KRT74: variants seen among roughly 807,000 people sequenced by gnomAD.
KRT74 encodes keratin, type II cytoskeletal 74.
Under a neutral mutation model 42.7 loss-of-function variants are expected in KRT74, and 43 were observed. That is an observed-to-expected ratio of 1.01 (90% CI 0.79 to 1.30). The LOEUF is 1.30. Among genes scored for constraint, KRT74 ranks in the 50% most tolerant of loss-of-function variants. KRT74 has a pLI of 0.00. For missense variants in KRT74, 736 were observed against 689.1 expected, an observed-to-expected ratio of 1.07 and a Z score of -0.76; for synonymous variants, 302 against 279.0, an observed-to-expected ratio of 1.08 and a Z score of -0.82.
chr12:52,567,746 A>C (rs1447270047), intron 7 of KRT74, 53 bp from the exon 8 acceptor site: 3 of 1,331,476 alleles, frequency 2.3e-6, no homozygotes, highest in East Asian at 2.3e-5. Context: ...AGATTCCACT[A>C]AACATCAATG....
rs79199336 is a variant in KRT74 at position 52,567,926 on chromosome 12, G to A, written c.1356-233C>T. On this transcript the variant is annotated intron_variant, in intron 7 of 8. Transcript: ENST00000305620. ...ATAAAGCCAATAATTAGCCCCTGCT[G>A]AAGAGCCAGTCATTAGCCCCAGGTC... 0.11 allele frequency among the ~76,000 whole-genome samples: 16,105 copies of A among 151,076 alleles called. 1,053 individuals carry two copies. The highest frequency in any genetic ancestry group is 0.25 in the South Asian group (1,178 of 4,668).
intron 6 of KRT74, among the ~76,000 whole-genome samples, chr12:52,569,125 G>A (rs987843585): frequency 2.6e-5 from 4 of 152,230 alleles, no homozygotes; most frequent in Non-Finnish European, 4.4e-5. Context: ...AGATCTTTCC[G>A]CTGGTCAATT....
In KRT74 at chr12:52,569,925, G is replaced by C; in HGVS notation, c.1068C>G (p.Ser356Arg). 6.2e-7 allele frequency: 1 copy of C among 1,614,104 alleles called. No homozygotes were observed. The highest frequency in any genetic ancestry group is 8.5e-7 in the Non-Finnish European group (1 of 1,179,998). Reference sequence around the variant, plus strand: ...TGAGCCGGTTCAGCTCCACCATCTCGCTCCTGGTGTGTTTCAGGTCGTCAC... The same window carrying C: ...TGAGCCGGTTCAGCTCCACCATCTCCCTCCTGGTGTGTTTCAGGTCGTCAC... ...RHGDDLKHTR[S>R]EMVELNRLIQ... Residue 356 changes from serine (S) to arginine (R), a missense_variant, in exon 6 of 9, where the codon AGC becomes AGG. By Grantham distance (110) the Ser-to-Arg change is moderately radical. Coordinates refer to ENST00000305620, the MANE Select transcript of KRT74 (RefSeq NM_175053.4).
In KRT74 at chr12:52,569,889, G is replaced by T. The variant is rs766926140; in HGVS notation, c.1104C>A (p.Ile368=). 43 of 1,614,088 alleles carry T rather than the reference G, an allele frequency of 2.7e-5. No individual in the cohort carries two copies. In the African/African-American group the frequency reaches 5.3e-4, roughly 20 times the overall value. The change falls in exon 6 of 9, where the codon ATC becomes ATA. Residue 368 remains isoleucine (I), a synonymous_variant. Transcript: ENST00000305620. The part of the protein sequence containing the change: ...MVELNRLIQR[I]RCEIGNVKKQ... Reference sequence around the variant, plus strand: ...TCTTCACATTCCCGATCTCACACCGGATCCTCTGGATGAGCCGGTTCAGCT... The same window carrying T: ...TCTTCACATTCCCGATCTCACACCGTATCCTCTGGATGAGCCGGTTCAGCT...
intron 1 of KRT74, among the ~76,000 whole-genome samples, 182 bp downstream of exon 1, chr12:52,573,125 T>C (rs1939517110): frequency 6.6e-6 from 1 of 152,176 alleles, no homozygotes; most frequent in African/African-American, 2.4e-5. Flanking sequence ...AAGAAGCCGA[T>C]ATATTCATGT....
chr12:52,567,551 G>A, intron 8 of KRT74, 108 bp downstream of exon 8: 1 of 875,166 alleles, frequency 1.1e-6, no homozygotes. Context: ...ACCTTCCCAA[G>A]ACAGTAACAG....
At chr12:52,572,095 C>T in intron 2 of KRT74, 91 bp from the exon 3 acceptor site, 1 of 952,202 alleles carries the variant, frequency 1.1e-6, no homozygotes, top group East Asian at 2.4e-5. Context: ...ATACAGGGTC[C>T]CTGCAGGGTC....
At chr12:52,569,175 C>T (rs1478681692) in intron 6 of KRT74, among the ~76,000 whole-genome samples, 1 of 152,122 alleles carries the variant, frequency 6.6e-6, no homozygotes, top group Non-Finnish European at 1.5e-5. Flanking sequence ...AGAGAGGTCA[C>T]AGGAAGGATC....
Position 52,573,572 on chromosome 12 carries a change from C to T in KRT74, c.206G>A (p.Arg69Gln), listed in dbSNP as rs751221409. Residue 69 changes from arginine (R) to glutamine (Q), a missense_variant, in exon 1 of 9, where the codon CGG becomes CAG. Coordinates refer to ENST00000305620, the MANE Select transcript of KRT74 (RefSeq NM_175053.4). ...AGGCCTGAAGCCGTAACCTCCAGCC[C>T]GAACGCCGCCACCAGCCACATTGAA... The part of the protein sequence containing the change: ...ISFNVAGGGV[R>Q]AGGYGFRPGS... 4.7e-5 allele frequency: 76 copies of T among 1,613,952 alleles called. No individual in the cohort carries two copies. Among genetic ancestry groups the T allele is most frequent in the South Asian group, 9.9e-5 (9 of 91,088 alleles).
rs765382014 is a variant in KRT74, at chr12:52,573,390, C to A, written c.388G>T (p.Asp130Tyr). The A allele has an allele frequency of 1.2e-6, 2 of 1,614,238 alleles. No individual in the cohort carries two copies. The highest frequency in any genetic ancestry group is 3.3e-5 in the Admixed American group (2 of 60,032). Reference sequence around the variant, plus strand: ...GCGCGCACCTTCTGGATCTCAGGGTCCAGCTCCACGTTGAGGGGGGCCAAG... The same window carrying A: ...GCGCGCACCTTCTGGATCTCAGGGTACAGCTCCACGTTGAGGGGGGCCAAG... The part of the protein sequence containing the change: ...SLLAPLNVEL[D>Y]PEIQKVRAQE... Residue 130 changes from aspartate (D) to tyrosine (Y), a missense_variant, in exon 1 of 9, where the codon GAC becomes TAC. Transcript: ENST00000305620.
intron 6 of KRT74, 130 bp from the exon 7 acceptor site, chr12:52,568,519 C>T (rs1385512470): frequency 1.1e-6 from 1 of 931,086 alleles, no homozygotes; most frequent in South Asian, 1.5e-5. Context: ...GCAAAGCCAA[C>T]ACCAGAACTT....
In KRT74 at chr12:52,573,492, T is replaced by G; in HGVS notation, c.286A>C (p.Ser96Arg). 3 of 1,614,140 alleles carry G rather than the reference T, an allele frequency of 1.9e-6. No homozygotes were observed. The highest frequency in any genetic ancestry group is 2.5e-6 in the Non-Finnish European group (3 of 1,180,028). The change falls in exon 1 of 9, where the codon AGT becomes CGT. Residue 96 changes from serine (S) to arginine (R), a missense_variant. Physicochemically the swap from Ser to Arg is moderately radical, Grantham distance 110 (BLOSUM62 -1). Coordinates refer to ENST00000305620, the MANE Select transcript of KRT74 (RefSeq NM_175053.4). ...ASGFAGSMFG[S>R]VALGPACLSV... Reference sequence around the variant, plus strand: ...AAACATGCAGGCCCCAGGGCCACACTGCCAAACATACTGCCAGCAAAGCCA... The same window carrying G: ...AAACATGCAGGCCCCAGGGCCACACGGCCAAACATACTGCCAGCAAAGCCA...
At chr12:52,572,026 G>T in intron 2 of KRT74, 22 bp from the exon 3 acceptor site, 1 of 1,547,866 alleles carries the variant, frequency 6.5e-7, no homozygotes, top group Non-Finnish European at 8.9e-7. Context: ...GAGAGTAGAT[G>T]GCCTTAGCCC....
intron 5 of KRT74, 109 bp downstream of exon 5, chr12:52,570,560 C>A: frequency 1.6e-6 from 2 of 1,229,214 alleles, no homozygotes; most frequent in Non-Finnish European, 2.4e-6. Flanking sequence ...TGGTTGGAAC[C>A]TTTCTTTCAT....
Position 52,569,986 on chromosome 12 carries a change from T to C in KRT74, c.1009-2A>G. ...GGCTGCCAGCTGCAGCTCCTGGATC[T>C]GGTTTCCCAGAGATAGGAAGTTGGT... On this transcript the variant is annotated splice_acceptor_variant, in intron 5 of 8. Transcript: ENST00000305620. LOFTEE classifies it high-confidence loss of function. 6.2e-7 allele frequency: 1 copy of C among 1,614,032 alleles called. No individual in the cohort carries two copies. Among genetic ancestry groups the C allele is most frequent in the Non-Finnish European group, 8.5e-7 (1 of 1,180,004 alleles).
At chr12:52,568,125 C>T in intron 7 of KRT74, 44 bp downstream of exon 7, 2 of 1,610,184 alleles carry the variant, frequency 1.2e-6, no homozygotes, top group Non-Finnish European at 1.7e-6. Flanking sequence ...AGACAGGAGC[C>T]ACACCCCAGT....
intron 1 of KRT74, among the ~76,000 whole-genome samples, 197 bp downstream of exon 1, chr12:52,573,110 C>T (rs1161621653): frequency 1.3e-5 from 2 of 152,168 alleles, no homozygotes; most frequent in African/African-American, 4.8e-5. Flanking sequence ...CCTGCAAAAT[C>T]GCCAAAGAAG....
At chr12:52,570,591 T>A in intron 5 of KRT74, 78 bp downstream of exon 5, 3 of 1,482,884 alleles carry the variant, frequency 2.0e-6, no homozygotes, top group Non-Finnish European at 2.8e-6. Context: ...CACAAAAGTA[T>A]TCCTCACATT....
Position 52,570,733 on chromosome 12 carries a change from C to G in KRT74, c.944G>C (p.Arg315Pro). 1 of 1,614,216 alleles carries G rather than the reference C, an allele frequency of 6.2e-7. No homozygotes were observed. The highest frequency in any genetic ancestry group is 8.5e-7 in the Non-Finnish European group (1 of 1,180,026). ...LDLDSIIAEVRMHYEEIALKS... is the reference protein window; with the variant it reads ...LDLDSIIAEVPMHYEEIALKS... ...CAGGGCGATCTCCTCATAATGCATGCGGACCTCAGCGATGATGCTGTCAAG... is the reference window on the plus strand; with the variant it reads ...CAGGGCGATCTCCTCATAATGCATGGGGACCTCAGCGATGATGCTGTCAAG... Residue 315 changes from arginine (R) to proline (P), a missense_variant, in exon 5 of 9, where the codon CGC (arginine) becomes CCC (proline). Arg to Pro is a moderately radical substitution (Grantham distance 103). Coordinates refer to ENST00000305620, the MANE Select transcript of KRT74 (RefSeq NM_175053.4).
Sources: allele counts gnomAD v4.1 joint callset (sites outside exome capture counted in the v4.1 genomes callset), GRCh38; gene constraint gnomAD v4.1.1; transcripts MANE v1.5; gene names NCBI Gene and HGNC (gene_info 2026-07-23, HGNC 2026-07-21).